MSRA: variants seen among roughly 807,000 people sequenced by gnomAD.
MSRA encodes the protein mitochondrial peptide methionine sulfoxide reductase.
A neutral mutation model predicts 31.3 loss-of-function variants in MSRA; 54 were observed. That is an observed-to-expected ratio of 1.73 (90% CI 1.39 to 2.17). MSRA has a LOEUF of 2.17. MSRA is among the 30% of genes most tolerant of loss of function. The pLI, the probability that MSRA is intolerant of heterozygous loss-of-function variation, is 0.00. For missense variants in MSRA, 507 were observed against 300.9 expected (o/e 1.69, Z -5.07); for synonymous variants, 169 against 116.5 (o/e 1.45, Z -2.90).
chr8:10,267,306 G>T (rs1411510479), intron 3 of MSRA, among the ~76,000 whole-genome samples: 1 of 152,184 alleles, frequency 6.6e-6, no homozygotes, highest in Non-Finnish European at 1.5e-5. Flanking sequence ...AAGTTTGTTT[G>T]GGTTCTTATT....
In MSRA at chr8:10,272,820, C is replaced by G. The variant is rs1799118997; in HGVS notation, c.331+27597C>G. 2.0e-5 allele frequency among the ~76,000 whole-genome samples: 3 copies of G among 152,200 alleles called. No individual in the cohort carries two copies. The South Asian group carries it at 6.2e-4, about 31-fold the overall frequency. On this transcript the variant is annotated intron_variant, in intron 3 of 5. Coordinates refer to ENST00000317173, the MANE Select transcript of MSRA (RefSeq NM_012331.5). ...ACATTCATCTTTCAATCACTAGACA[C>G]TAGCCTAGGACCTGGCATAAAACAG...
chr8:10,135,635 T>C (rs150945373), intron 1 of MSRA, among the ~76,000 whole-genome samples: 4 of 152,302 alleles, frequency 2.6e-5, no homozygotes, highest in African/African-American at 9.6e-5. Flanking sequence ...CAGCTGAATA[T>C]AAGATGAAAG....
At chr8:10,350,070 CTT>C (rs1381466054) in intron 5 of MSRA, among the ~76,000 whole-genome samples, 3 of 152,252 alleles carry the variant, frequency 2.0e-5, no homozygotes, top group African/African-American at 7.2e-5. Context: ...GTACTTGAAA[CTT>C]TCCATTCTCC....
intron 3 of MSRA, among the ~76,000 whole-genome samples, chr8:10,301,262 G>A (rs1457672422): frequency 3.3e-5 from 5 of 152,120 alleles, no homozygotes; most frequent in Admixed American, 6.5e-5. Flanking sequence ...GAAAACCCAC[G>A]TTTGTTTTTT....
intron 5 of MSRA, among the ~76,000 whole-genome samples, chr8:10,357,211 A>C (rs1318116647): frequency 6.6e-6 from 1 of 152,230 alleles, no homozygotes; most frequent in Non-Finnish European, 1.5e-5. Flanking sequence ...TGAGAGTTGC[A>C]AAATCGTATT....
intron 5 of MSRA, among the ~76,000 whole-genome samples, chr8:10,390,382 A>T (rs1162682798): frequency 6.6e-6 from 1 of 152,118 alleles, no homozygotes; most frequent in South Asian, 2.1e-4. Flanking sequence ...CGTGGTCGCC[A>T]GTTGAGAACC....
chr8:10,185,583 G>A (rs1806968696), intron 1 of MSRA, among the ~76,000 whole-genome samples: 1 of 152,178 alleles, frequency 6.6e-6, no homozygotes, highest in African/African-American at 2.4e-5. Context: ...TTGCGAGAAG[G>A]TCCATGACAG....
chr8:10,360,462 G>A (rs1804780810), intron 5 of MSRA, among the ~76,000 whole-genome samples: 1 of 152,172 alleles, frequency 6.6e-6, no homozygotes, highest in Admixed American at 6.5e-5. Context: ...TGCATTTAGT[G>A]CATCTGTGTG....
chr8:10,145,846 T>C (rs1210003601), intron 1 of MSRA, among the ~76,000 whole-genome samples: 1 of 152,112 alleles, frequency 6.6e-6, no homozygotes, highest in Non-Finnish European at 1.5e-5. Flanking sequence ...GTGTGTGTAA[T>C]GATTTTGGCA....
intron 5 of MSRA, among the ~76,000 whole-genome samples, chr8:10,348,680 T>G (rs1048371757): frequency 2.6e-5 from 4 of 152,182 alleles, no homozygotes; most frequent in Admixed American, 2.0e-4. Flanking sequence ...GGCTTTTCTT[T>G]AGTAGAAGTT....
At chr8:10,262,180 A>G (rs1407775980) in intron 3 of MSRA, among the ~76,000 whole-genome samples, 1 of 152,216 alleles carries the variant, frequency 6.6e-6, no homozygotes, top group East Asian at 1.9e-4. Context: ...CAAAGCTGCT[A>G]TTAACGTTTG....
rs1006126326 is a variant in MSRA at position 10,100,536 on chromosome 8, G to T, written c.142+45878G>T. On this transcript the variant is annotated intron_variant, in intron 1 of 5. Transcript: ENST00000317173. ...GACCATGGAGTCTAGGGGGCTAGGGGATGTGATCAGAAGTGTTCTAGAGAA... is the reference window on the plus strand; with the variant it reads ...GACCATGGAGTCTAGGGGGCTAGGGTATGTGATCAGAAGTGTTCTAGAGAA... Among the ~76,000 whole-genome samples the T allele has an allele frequency of 3.9e-5, 6 of 152,234 alleles. No homozygotes were observed. The East Asian group carries it at 1.2e-3, about 29-fold the overall frequency.
At chr8:10,353,055 G>C (rs1029664453) in intron 5 of MSRA, among the ~76,000 whole-genome samples, 1 of 152,130 alleles carries the variant, frequency 6.6e-6, no homozygotes. Flanking sequence ...GGTAGGGGGA[G>C]AGGTGGAGAG....
rs888515122 is a variant in MSRA, at chr8:10,403,697, C to A, written c.544-24451C>A. Among the ~76,000 whole-genome samples the A allele has an allele frequency of 7.9e-5, 12 of 152,328 alleles. No homozygotes were observed. The South Asian group carries it at 1.2e-3, about 16-fold the overall frequency. ...GCACAACTGTGGGCTCTACTGAGGC[C>A]TTACAAAGTTGAAACTGGTGTGAGA... On this transcript the variant is annotated intron_variant, in intron 5 of 5. Transcript: ENST00000317173.
At chr8:10,292,566 G>A (rs552713002) in intron 3 of MSRA, among the ~76,000 whole-genome samples, 4 of 152,350 alleles carry the variant, frequency 2.6e-5, no homozygotes, top group African/African-American at 9.6e-5. Context: ...CCCGGTGGGG[G>A]ACCCCAGGGG....
At chr8:10,074,828 T>C (rs574265228) in intron 1 of MSRA, among the ~76,000 whole-genome samples, 1 of 152,178 alleles carries the variant, frequency 6.6e-6, no homozygotes, top group Admixed American at 6.5e-5. Flanking sequence ...CTGGCTAATT[T>C]TTAGAGATTA....
chr8:10,247,397 A>G lies in MSRA; in HGVS notation c.331+2174A>G, dbSNP rs930254100. Among the ~76,000 whole-genome samples, 9 of 152,178 alleles carry G rather than the reference A, an allele frequency of 5.9e-5. No individual in the cohort carries two copies. In the South Asian group the frequency reaches 1.0e-3, roughly 18 times the overall value. On this transcript the variant is annotated intron_variant, in intron 3 of 5. Coordinates refer to ENST00000317173, the MANE Select transcript of MSRA (RefSeq NM_012331.5). ...ATCATATCCCAGCCATTCTCCATTC[A>G]TCCCTTTGCACTTTCTTCCACCAAG...
At chr8:10,126,552 G>A (rs751266226) in intron 1 of MSRA, among the ~76,000 whole-genome samples, 6 of 151,974 alleles carry the variant, frequency 3.9e-5, no homozygotes, top group African/African-American at 1.2e-4. Context: ...GTCTTCTGTC[G>A]CCCAGGCTAG....
In MSRA at chr8:10,329,297, C is replaced by G. The variant is rs137885128; in HGVS notation, c.543+9308C>G. On this transcript the variant is annotated intron_variant, in intron 5 of 5. Transcript: ENST00000317173. ...AGGGTACTAGCTGGGCTCTGCTCCCCCAGGGGCTCCAGGGAAGAATCCCTC... is the reference window on the plus strand; with the variant it reads ...AGGGTACTAGCTGGGCTCTGCTCCCGCAGGGGCTCCAGGGAAGAATCCCTC... 4.8e-3 allele frequency among the ~76,000 whole-genome samples: 725 copies of G among 152,318 alleles called. 6 individuals are homozygous for G. Among genetic ancestry groups the G allele is most frequent in the African/African-American group, 0.015 (636 of 41,592 alleles).
Sources: allele counts gnomAD v4.1 joint callset (sites outside exome capture counted in the v4.1 genomes callset), GRCh38; gene constraint gnomAD v4.1.1; transcripts MANE v1.5; gene names NCBI Gene and HGNC (gene_info 2026-07-23, HGNC 2026-07-21).